Variants in TBC1D5 observed in about 807,000 individuals in gnomAD.
TBC1D5 encodes TBC1 domain family member 5, also known as TBC1 domain family, member 5.
Under a neutral mutation model 100.3 loss-of-function variants are expected in TBC1D5, and 75 were observed. The ratio of observed to expected loss-of-function variants is 0.75; its 90% CI spans 0.62 to 0.91. The LOEUF (loss-of-function observed/expected upper bound fraction) is 0.91, where lower values mean the gene tolerates loss of function less well. Ranked by LOEUF, TBC1D5 falls within the 40% of genes least tolerant of loss-of-function variation. The pLI, the probability that TBC1D5 is intolerant of heterozygous loss-of-function variation, is 0.00. For missense variants in TBC1D5, 910 were observed against 942.4 expected (o/e 0.97, Z 0.45); for synonymous variants, 323 against 325.6 (o/e 0.99, Z 0.09).
At chr3:17,361,433 T>C (rs2091698876) in intron 13 of TBC1D5, among the ~76,000 whole-genome samples, 1 of 152,068 alleles carries the variant, frequency 6.6e-6, no homozygotes, top group African/African-American at 2.4e-5. Context: ...TGACCTGACA[T>C]TTATAGAACA....
In TBC1D5 at chr3:17,690,317, C is replaced by T. The variant is rs1263467094; in HGVS notation, c.-101+49026G>A. On this transcript the variant is annotated intron_variant, in intron 1 of 21. Transcript: ENST00000253692. The stretch of plus-strand genomic sequence containing the variant: ...CTGCAAGCTCTGCCTCCCGGGTTCA[C>T]GCCATTCTCCCGCCTCAGCCTCCCA... 7.8e-5 allele frequency among the ~76,000 whole-genome samples: 6 copies of T among 76,680 alleles called. 2 individuals carry two copies. Among genetic ancestry groups the T allele is most frequent in the African/African-American group, 1.8e-4 (4 of 22,662 alleles). 50.3% of individuals were successfully genotyped at this position (76,680 alleles called of 152,430 possible). A position where few individuals can be genotyped will look rare whatever the true frequency, so the allele number is the denominator to read the frequency against.
chr3:17,591,267 C>CAAAAAAAAAAA (rs370530999), intron 2 of TBC1D5, among the ~76,000 whole-genome samples: 2 of 78,306 alleles, frequency 2.6e-5, no homozygotes, highest in South Asian at 4.1e-4. Flanking sequence ...AAAAAAAAAA[C>CAAAAAAAAAAA]AAAAACCCCA....
At chr3:17,405,225 T>C (rs949242985) in intron 5 of TBC1D5, among the ~76,000 whole-genome samples, 14 of 152,022 alleles carry the variant, frequency 9.2e-5, no homozygotes, top group Non-Finnish European at 1.6e-4. Flanking sequence ...CAGATTTACA[T>C]TAAAAAGGAA....
intron 15 of TBC1D5, among the ~76,000 whole-genome samples, chr3:17,259,396 A>G (rs2149443366): frequency 6.6e-6 from 1 of 152,324 alleles, no homozygotes; most frequent in East Asian, 1.9e-4. Context: ...AATTAAACAA[A>G]TATACTTCTG....
In TBC1D5 at chr3:17,689,497, C is replaced by T. The variant is rs1441531345; in HGVS notation, c.-101+49846G>A. On this transcript the variant is annotated intron_variant, in intron 1 of 21. Transcript: ENST00000253692. ...AAGGCTGCAGTGGGCCCTGCCTGGG[C>T]GACAGAGTGAGACCCTGTCTCAAAA... Among the ~76,000 whole-genome samples the T allele has an allele frequency of 2.4e-4, 32 of 134,406 alleles. 1 individual carries two copies. In the Admixed American group the frequency reaches 2.7e-3, roughly 11 times the overall value. The allele number at this position is 134,406 out of a possible 152,430, so 88.2% of individuals were successfully genotyped here.
rs546231758 is a variant in TBC1D5, at chr3:17,491,400, G to A, written c.97+17074C>T. ...TCTTATCTTGTGCCGGTTTTCAAAG[G>A]GAATGTTTCCAGCTTTTGCCCATTC... On this transcript the variant is annotated intron_variant, in intron 3 of 21. Transcript: ENST00000253692. Among the ~76,000 whole-genome samples, 7 of 152,228 alleles carry A rather than the reference G, an allele frequency of 4.6e-5. No homozygotes were observed. The East Asian group carries it at 1.2e-3, about 25-fold the overall frequency.
intron 3 of TBC1D5, among the ~76,000 whole-genome samples, chr3:17,467,863 C>T (rs1280860677): frequency 6.6e-6 from 1 of 152,196 alleles, no homozygotes; most frequent in East Asian, 1.9e-4. Context: ...TGACACTGTA[C>T]TGCAGTCTAG....
intron 2 of TBC1D5, among the ~76,000 whole-genome samples, chr3:17,558,510 A>C (rs1342487281): frequency 1.3e-5 from 2 of 152,230 alleles, no homozygotes; most frequent in Non-Finnish European, 1.5e-5. Flanking sequence ...GTGATCAAAA[A>C]CTAATAGTCA....
intron 9 of TBC1D5, among the ~76,000 whole-genome samples, chr3:17,379,067 A>G (rs2092825055): frequency 6.6e-6 from 1 of 151,798 alleles, no homozygotes; most frequent in Non-Finnish European, 1.5e-5. Context: ...CCTTTAAAAT[A>G]TTCTAATATT....
At chr3:17,191,062 T>C (rs1171059281) in intron 18 of TBC1D5, among the ~76,000 whole-genome samples, 1 of 152,118 alleles carries the variant, frequency 6.6e-6, no homozygotes, top group African/African-American at 2.4e-5. Context: ...CAGAGGAAGA[T>C]ACCACCAGAA....
intron 18 of TBC1D5, among the ~76,000 whole-genome samples, chr3:17,189,520 A>T (rs1201356337): frequency 1.3e-5 from 2 of 152,214 alleles, no homozygotes; most frequent in Non-Finnish European, 2.9e-5. Context: ...ACTAGCATCA[A>T]ATCCCTTCAT....
At chr3:17,205,695 AT>A (rs1477227459) in intron 18 of TBC1D5, among the ~76,000 whole-genome samples, 1 of 152,092 alleles carries the variant, frequency 6.6e-6, no homozygotes, top group Non-Finnish European at 1.5e-5. Context: ...TGGGCATGGA[AT>A]TTAATTCTGG....
chr3:17,611,463 A>G (rs2061663952), intron 2 of TBC1D5, among the ~76,000 whole-genome samples: 1 of 152,204 alleles, frequency 6.6e-6, no homozygotes, highest in African/African-American at 2.4e-5. Context: ...GGGAGAACTA[A>G]TGGAGAAGAC....
At chr3:17,299,167 G>A (rs1166720069) in intron 14 of TBC1D5, among the ~76,000 whole-genome samples, 1 of 152,162 alleles carries the variant, frequency 6.6e-6, no homozygotes, top group Non-Finnish European at 1.5e-5. Flanking sequence ...AACAACAGTT[G>A]CTTTGATAAT....
chr3:17,340,218 T>C (rs2151380908), intron 13 of TBC1D5, among the ~76,000 whole-genome samples: 1 of 152,300 alleles, frequency 6.6e-6, no homozygotes, highest in Non-Finnish European at 1.5e-5. Flanking sequence ...ATACTGGGAA[T>C]GGGTCACAAC....
chr3:17,701,692 A>T (rs1011739918), intron 1 of TBC1D5, among the ~76,000 whole-genome samples: 1 of 152,094 alleles, frequency 6.6e-6, no homozygotes, highest in Non-Finnish European at 1.5e-5. Context: ...AATCGTTGAA[A>T]TTTTTCCAGA....
intron 1 of TBC1D5, among the ~76,000 whole-genome samples, chr3:17,641,921 A>G (rs2064549087): frequency 6.6e-6 from 1 of 152,292 alleles, no homozygotes; most frequent in African/African-American, 2.4e-5. Context: ...CACAAAAAAG[A>G]ATAAAATGCA....
chr3:17,455,477 T>C (rs1459012518), intron 3 of TBC1D5, among the ~76,000 whole-genome samples: 6 of 144,210 alleles, frequency 4.2e-5, no homozygotes, highest in Non-Finnish European at 7.5e-5. Context: ...TGTGTATATA[T>C]ATGTATATAT....
intron 2 of TBC1D5, among the ~76,000 whole-genome samples, chr3:17,590,175 C>G (rs557525233): frequency 1.3e-5 from 2 of 152,268 alleles, no homozygotes; most frequent in African/African-American, 2.4e-5. Context: ...TCAAAAAGAA[C>G]TGTTTGAGTT....
Sources: gnomAD v4.1 joint callset for allele counts (sites outside exome capture counted in the v4.1 genomes callset) on GRCh38, gnomAD v4.1.1 for gene constraint, MANE v1.5 for transcripts, NCBI Gene and HGNC (gene_info 2026-07-23, HGNC 2026-07-21) for gene names.